The following CSMD3 variants were observed in gnomAD, a reference collection of about 807,000 sequenced individuals.
CSMD3 encodes CUB and Sushi multiple domains 3, also known as CUB and sushi domain-containing protein 3.
CSMD3 carries 177 observed loss-of-function variants against 435.2 expected under a neutral mutation model. The ratio of observed to expected loss-of-function variants is 0.41; its 90% CI spans 0.36 to 0.46. CSMD3 has a LOEUF of 0.46. Among genes scored for constraint, CSMD3 ranks in the 20% least tolerant of loss-of-function variants. The pLI, the probability that CSMD3 is intolerant of heterozygous loss-of-function variation, is 0.34. For missense variants in CSMD3, 4,265 were observed against 4,504.6 expected (o/e 0.95, Z 1.52); for synonymous variants, 1,656 against 1,520.5 (o/e 1.09, Z -2.07).
intron 3 of CSMD3, among the ~76,000 whole-genome samples, chr8:113,225,890 A>C (rs868594968): frequency 6.6e-6 from 1 of 151,460 alleles, no homozygotes; most frequent in Non-Finnish European, 1.5e-5. Context: ...TGAAGAACGG[A>C]CCTCATGGGA....
At chr8:112,248,748 C>T (rs1046933460) in intron 63 of CSMD3, among the ~76,000 whole-genome samples, 1 of 152,048 alleles carries the variant, frequency 6.6e-6, no homozygotes. Flanking sequence ...GTTATTATTA[C>T]CCAGAACTAT....
chr8:112,750,162 G>A (rs2077534670), intron 13 of CSMD3, among the ~76,000 whole-genome samples: 1 of 151,966 alleles, frequency 6.6e-6, no homozygotes, highest in African/African-American at 2.4e-5. Context: ...CATAAGAAGA[G>A]CTTTGTGTGA....
intron 4 of CSMD3, among the ~76,000 whole-genome samples, chr8:113,121,414 A>G (rs2090982129): frequency 6.6e-6 from 1 of 152,124 alleles, no homozygotes; most frequent in African/African-American, 2.4e-5. Flanking sequence ...GTTAGAAACA[A>G]CTATCACCAT....
intron 4 of CSMD3, among the ~76,000 whole-genome samples, chr8:113,119,849 G>T (rs2090936926): frequency 6.6e-6 from 1 of 152,000 alleles, no homozygotes; most frequent in Non-Finnish European, 1.5e-5. Flanking sequence ...TGTAATAACA[G>T]AATTATTGGT....
intron 13 of CSMD3, among the ~76,000 whole-genome samples, chr8:112,736,095 T>C (rs2077180629): frequency 6.6e-6 from 1 of 152,016 alleles, no homozygotes; most frequent in African/African-American, 2.4e-5. Context: ...TAACACAATA[T>C]TTGGCACGTA....
intron 50 of CSMD3, among the ~76,000 whole-genome samples, chr8:112,309,484 T>A (rs1296922778): frequency 6.6e-6 from 1 of 151,980 alleles, no homozygotes; most frequent in Non-Finnish European, 1.5e-5. Flanking sequence ...AATTCTATTA[T>A]GAAATTTGAC....
chr8:112,509,889 A>G (rs1192169096), intron 28 of CSMD3, among the ~76,000 whole-genome samples: 2 of 152,174 alleles, frequency 1.3e-5, no homozygotes, highest in African/African-American at 4.8e-5. Context: ...CATATGCCAG[A>G]GTGTTTACTG....
chr8:113,084,873 T>C (rs1410243756), intron 5 of CSMD3, among the ~76,000 whole-genome samples: 2 of 151,988 alleles, frequency 1.3e-5, no homozygotes, highest in African/African-American at 4.8e-5. Context: ...CAGAACCCCC[T>C]CTTCAATAAA....
Position 112,988,970 on chromosome 8 carries a change from C to T in CSMD3, c.1031-12822G>A, listed in dbSNP as rs540251454. On this transcript the variant is annotated intron_variant, in intron 6 of 70. Coordinates refer to ENST00000297405, the MANE Select transcript of CSMD3 (RefSeq NM_198123.2). Reference sequence around the variant, plus strand: ...TAAGTTGATTTAAGTAATTCATTCACGTATTCACTCAACAAGTATTTATTG... The same window carrying T: ...TAAGTTGATTTAAGTAATTCATTCATGTATTCACTCAACAAGTATTTATTG... 4.6e-5 allele frequency among the ~76,000 whole-genome samples: 7 copies of T among 152,114 alleles called. No individual in the cohort carries two copies. The East Asian group carries it at 5.8e-4, about 13-fold the overall frequency.
intron 32 of CSMD3, among the ~76,000 whole-genome samples, chr8:112,420,928 G>T (rs998141847): frequency 6.6e-6 from 1 of 152,070 alleles, no homozygotes; most frequent in African/African-American, 2.4e-5. Context: ...CACTCTGCAT[G>T]TTGCCTCCTA....
intron 24 of CSMD3, among the ~76,000 whole-genome samples, chr8:112,557,235 T>G (rs981227928): frequency 6.6e-6 from 1 of 151,912 alleles, no homozygotes; most frequent in African/African-American, 2.4e-5. Flanking sequence ...TTCAAGTGAT[T>G]TAGAGTTAAT....
chr8:112,366,219 A>G (rs924575990), intron 38 of CSMD3, among the ~76,000 whole-genome samples: 2 of 152,188 alleles, frequency 1.3e-5, no homozygotes, highest in Non-Finnish European at 2.9e-5. Context: ...GACTTTCTGG[A>G]GAAACCAAGG....
At chr8:112,557,933 T>A (rs1828271234) in intron 24 of CSMD3, among the ~76,000 whole-genome samples, 1 of 151,962 alleles carries the variant, frequency 6.6e-6, no homozygotes, top group Non-Finnish European at 1.5e-5. Context: ...TCAATTGGCA[T>A]CTGAAGTGTG....
chr8:112,897,657 A>C (rs1363025240), intron 10 of CSMD3, among the ~76,000 whole-genome samples: 1 of 144,202 alleles, frequency 6.9e-6, no homozygotes, highest in East Asian at 2.1e-4. Flanking sequence ...ACTCCCTAAA[A>C]TACTATTTCT....
At chr8:112,622,098 C>T (rs1021695835) in intron 22 of CSMD3, among the ~76,000 whole-genome samples, 8 of 152,210 alleles carry the variant, frequency 5.3e-5, no homozygotes, top group African/African-American at 4.8e-5. Context: ...CAAATATTTG[C>T]GTCTGAATTG....
chr8:112,806,787 CACT>C (rs2079098269), intron 12 of CSMD3, among the ~76,000 whole-genome samples: 1 of 152,146 alleles, frequency 6.6e-6, no homozygotes, highest in Admixed American at 6.5e-5. Context: ...AAACCTATAC[CACT>C]ACTTCACTGA....
chr8:112,599,172 A>AG (rs1370192341), intron 22 of CSMD3, among the ~76,000 whole-genome samples: 4 of 95,706 alleles, frequency 4.2e-5, no homozygotes, highest in African/African-American at 9.8e-5. Flanking sequence ...CAAATTTAAA[A>AG]GAAAAAAAAA....
intron 5 of CSMD3, among the ~76,000 whole-genome samples, chr8:113,059,286 G>A (rs2088493386): frequency 6.6e-6 from 1 of 152,108 alleles, no homozygotes; most frequent in African/African-American, 2.4e-5. Flanking sequence ...GGTGCTTTGA[G>A]ACACTAATCT....
intron 6 of CSMD3, among the ~76,000 whole-genome samples, chr8:113,002,356 T>A (rs1026014641): frequency 6.6e-6 from 1 of 152,132 alleles, no homozygotes; most frequent in Non-Finnish European, 1.5e-5. Flanking sequence ...TTTATCCTAA[T>A]GCATTTATTA....
Sources: gnomAD v4.1 joint callset for allele counts (sites outside exome capture counted in the v4.1 genomes callset) on GRCh38, gnomAD v4.1.1 for gene constraint, MANE v1.5 for transcripts, NCBI Gene and HGNC (gene_info 2026-07-23, HGNC 2026-07-21) for gene names.